JAZF1: variants seen among roughly 807,000 people sequenced by gnomAD.
The protein encoded by JAZF1 is JAZF zinc finger 1, also known as juxtaposed with another zinc finger protein 1.
JAZF1 carries 8 observed loss-of-function variants against 26.4 expected under a neutral mutation model. The observed-to-expected ratio is 0.30, with a 90% CI of 0.18 to 0.55. JAZF1 has a LOEUF of 0.55. Among genes scored for constraint, JAZF1 ranks in the 20% least tolerant of loss-of-function variants. JAZF1 has a pLI of 0.94. For missense variants in JAZF1, 199 were observed against 322.0 expected (o/e 0.62, Z 2.92); for synonymous variants, 126 against 122.3 (o/e 1.03, Z -0.20).
At chr7:27,930,180 A>G (rs1784666387) in intron 2 of JAZF1, among the ~76,000 whole-genome samples, 1 of 152,078 alleles carries the variant, frequency 6.6e-6, no homozygotes, top group Admixed American at 6.6e-5. Flanking sequence ...TATTTTTAGT[A>G]GAGACAGGGT....
intron 2 of JAZF1, among the ~76,000 whole-genome samples, chr7:27,959,756 T>G (rs539085905): frequency 1.2e-4 from 19 of 152,114 alleles, no homozygotes; most frequent in African/African-American, 4.6e-4. Context: ...AAAAATTAGC[T>G]GGGCATGTTG....
intron 1 of JAZF1, among the ~76,000 whole-genome samples, chr7:28,053,766 G>T (rs1783653574): frequency 6.6e-6 from 1 of 152,080 alleles, no homozygotes; most frequent in Non-Finnish European, 1.5e-5. Flanking sequence ...GGAGTGGAAA[G>T]GTACGGAAAG....
intron 2 of JAZF1, among the ~76,000 whole-genome samples, chr7:27,902,523 C>A (rs927980955): frequency 1.3e-5 from 2 of 152,166 alleles, no homozygotes; most frequent in Admixed American, 1.3e-4. Flanking sequence ...CTGATCCATG[C>A]CCTGCTAGCT....
intron 1 of JAZF1, among the ~76,000 whole-genome samples, chr7:28,165,444 A>G (rs961734611): frequency 7.2e-5 from 11 of 152,182 alleles, no homozygotes; most frequent in African/African-American, 2.4e-4. Flanking sequence ...GTTATAAAAA[A>G]GCAGAATGGA....
At chr7:27,864,694 C>CT (rs1340923775) in intron 3 of JAZF1, among the ~76,000 whole-genome samples, 2 of 151,992 alleles carry the variant, frequency 1.3e-5, no homozygotes, top group East Asian at 3.9e-4. Flanking sequence ...GGTCTCATTT[C>CT]TTAAAAAAAA....
At chr7:28,090,588 T>C (rs1442258877) in intron 1 of JAZF1, among the ~76,000 whole-genome samples, 1 of 152,218 alleles carries the variant, frequency 6.6e-6, no homozygotes, top group Non-Finnish European at 1.5e-5. Context: ...ATATCTCCTT[T>C]GAGCATCACA....
intron 1 of JAZF1, among the ~76,000 whole-genome samples, chr7:28,117,435 CCTTT>C (rs1235975238): frequency 6.6e-6 from 1 of 152,096 alleles, no homozygotes; most frequent in Non-Finnish European, 1.5e-5. Flanking sequence ...TGCTGAATTG[CCTTT>C]CTGATTTCTC....
chr7:27,946,982 G>A lies in JAZF1; in HGVS notation c.188+44927C>T, dbSNP rs150615102. On this transcript the variant is annotated intron_variant, in intron 2 of 4. Coordinates refer to ENST00000283928, the MANE Select transcript of JAZF1 (RefSeq NM_175061.4). ...AATGCAAAATGTTCTGAGTAGCTAC[G>A]CTATGCCCACTGCATTCAATCAGAA... Among the ~76,000 whole-genome samples the A allele has an allele frequency of 8.3e-3, 1,270 of 152,296 alleles. 20 individuals carry two copies. The highest frequency in any genetic ancestry group is 0.029 in the African/African-American group (1,214 of 41,548).
At chr7:27,965,738 G>C (rs1785262608) in intron 2 of JAZF1, among the ~76,000 whole-genome samples, 1 of 152,106 alleles carries the variant, frequency 6.6e-6, no homozygotes, top group South Asian at 2.1e-4. Flanking sequence ...GAAAAACAAA[G>C]CCAAAAATCA....
intron 2 of JAZF1, among the ~76,000 whole-genome samples, chr7:27,930,108 G>T (rs1430769534): frequency 6.6e-6 from 1 of 151,976 alleles, no homozygotes; most frequent in Non-Finnish European, 1.5e-5. Flanking sequence ...CCATTCTCCT[G>T]CCTCAGCCCC....
At chr7:27,969,743 C>A (rs1470059498) in intron 2 of JAZF1, among the ~76,000 whole-genome samples, 1 of 152,168 alleles carries the variant, frequency 6.6e-6, no homozygotes, top group East Asian at 1.9e-4. Context: ...GGTTAAAGAA[C>A]TCTGTGTAAA....
intron 2 of JAZF1, among the ~76,000 whole-genome samples, chr7:27,920,032 G>A (rs1280617001): frequency 6.6e-6 from 1 of 152,158 alleles, no homozygotes; most frequent in African/African-American, 2.4e-5. Context: ...TAAGGGAAGT[G>A]CCTTTGGTGT....
chr7:28,067,747 G>A lies in JAZF1; in HGVS notation c.116-75766C>T, dbSNP rs532392866. Among the ~76,000 whole-genome samples, 4 of 152,304 alleles carry A rather than the reference G, an allele frequency of 2.6e-5. No homozygotes were observed. In the South Asian group the frequency reaches 8.3e-4, roughly 32 times the overall value. ...ATCTCAGTGTCAAAATAGGTTGGAA[G>A]GGGACTTCGGCAGGTGCTCAAACCA... On this transcript the variant is annotated intron_variant, in intron 1 of 4. Coordinates refer to ENST00000283928, the MANE Select transcript of JAZF1 (RefSeq NM_175061.4).
chr7:27,962,388 T>C (rs1390747389), intron 2 of JAZF1, among the ~76,000 whole-genome samples: 1 of 152,192 alleles, frequency 6.6e-6, no homozygotes, highest in Non-Finnish European at 1.5e-5. Context: ...TCACAGTTCA[T>C]ATGCATCACT....
rs1243856062 is a variant in JAZF1, at chr7:27,858,612, T to G, written c.386-17745A>C. On this transcript the variant is annotated intron_variant, in intron 3 of 4. Transcript: ENST00000283928. ...ACCATCTGATCTTTGACAAACCTGA[T>G]AAAAATAAGCAATGGGGAAAGGATT... Among the ~76,000 whole-genome samples, 6 of 151,968 alleles carry G rather than the reference T, an allele frequency of 3.9e-5. No individual in the cohort carries two copies. In the East Asian group the frequency reaches 9.6e-4, roughly 24 times the overall value.
intron 1 of JAZF1, among the ~76,000 whole-genome samples, chr7:28,152,775 T>C (rs1329046839): frequency 2.0e-5 from 3 of 152,186 alleles, no homozygotes; most frequent in Non-Finnish European, 4.4e-5. Context: ...GCTAGGTCTA[T>C]TGACACAGGA....
chr7:27,931,569 C>T (rs1784688733), intron 2 of JAZF1, among the ~76,000 whole-genome samples: 2 of 152,210 alleles, frequency 1.3e-5, no homozygotes, highest in Non-Finnish European at 2.9e-5. Context: ...AATCCCAGCA[C>T]TTTGGGAGGC....
In JAZF1 at chr7:27,861,135, C is replaced by T. The variant is rs551228314; in HGVS notation, c.386-20268G>A. Among the ~76,000 whole-genome samples, 5 of 152,274 alleles carry T rather than the reference C, an allele frequency of 3.3e-5. No individual in the cohort carries two copies. The South Asian group carries it at 8.3e-4, about 25-fold the overall frequency. Reference sequence around the variant, plus strand: ...GGACGTCTTCATTCTACTCTCAGGTCGATGCCCACGAGTCCTGAGCTGCAC... The same window carrying T: ...GGACGTCTTCATTCTACTCTCAGGTTGATGCCCACGAGTCCTGAGCTGCAC... On this transcript the variant is annotated intron_variant, in intron 3 of 4. Transcript: ENST00000283928.
intron 1 of JAZF1, among the ~76,000 whole-genome samples, chr7:28,027,607 G>A (rs1450474811): frequency 6.6e-6 from 1 of 152,068 alleles, no homozygotes; most frequent in East Asian, 1.9e-4. Flanking sequence ...AGTGGGGAGA[G>A]CACTCTCATC....
Sources: allele counts gnomAD v4.1 joint callset (sites outside exome capture counted in the v4.1 genomes callset), GRCh38; gene constraint gnomAD v4.1.1; transcripts MANE v1.5; gene names NCBI Gene and HGNC (gene_info 2026-07-23, HGNC 2026-07-21).